SORCS2: variants seen among roughly 807,000 people sequenced by gnomAD.
The protein encoded by SORCS2 is VPS10 domain-containing receptor SorCS2.
In SORCS2, 100 loss-of-function variants were observed where a neutral mutation model predicts 141.6. The observed-to-expected ratio is 0.71, with a 90% CI of 0.60 to 0.83. The LOEUF (loss-of-function observed/expected upper bound fraction) is 0.83. Among genes scored for constraint, SORCS2 ranks in the 40% least tolerant of loss-of-function variants. The probability of loss-of-function intolerance (pLI) is 0.00; values close to 1 mark genes in which losing one functional copy is unlikely to be tolerated. For missense variants in SORCS2, 1,646 were observed against 1,560.2 expected, an observed-to-expected ratio of 1.05 and a Z score of -0.93; for synonymous variants, 789 against 676.9, an observed-to-expected ratio of 1.17 and a Z score of -2.57.
intron 3 of SORCS2, among the ~76,000 whole-genome samples, chr4:7,544,838 G>A (rs1426125410): frequency 6.6e-6 from 1 of 152,208 alleles, no homozygotes; most frequent in East Asian, 1.9e-4. Flanking sequence ...TTCCTCTGAG[G>A]GCTGTTCCTG....
intron 14 of SORCS2, among the ~76,000 whole-genome samples, chr4:7,706,826 G>A (rs1725501659): frequency 6.6e-6 from 1 of 152,212 alleles, no homozygotes; most frequent in Non-Finnish European, 1.5e-5. Flanking sequence ...TCTGGGCAGG[G>A]ATGAGGCTGG....
At chr4:7,542,883 C>T (rs10028107) in intron 3 of SORCS2, among the ~76,000 whole-genome samples, 12,614 of 152,306 alleles carry the variant, frequency 0.083, 615 homozygotes, top group African/African-American at 0.12. Flanking sequence ...GCTCCACCCA[C>T]GCTTCCTCTT....
chr4:7,429,976 C>T (rs915127102), intron 2 of SORCS2, among the ~76,000 whole-genome samples: 5 of 152,324 alleles, frequency 3.3e-5, no homozygotes, highest in South Asian at 2.1e-4. Flanking sequence ...TGGCAACCCC[C>T]GTCCGGTGCA....
chr4:7,606,472 G>A (rs777856693), intron 3 of SORCS2, among the ~76,000 whole-genome samples: 2 of 151,960 alleles, frequency 1.3e-5, no homozygotes, highest in Non-Finnish European at 2.9e-5. Flanking sequence ...TGCTGCAAAC[G>A]GTCACCTCCC....
At chr4:7,242,361 A>T (rs1712760443) in intron 1 of SORCS2, among the ~76,000 whole-genome samples, 3 of 150,152 alleles carry the variant, frequency 2.0e-5, no homozygotes, top group African/African-American at 4.9e-5. Flanking sequence ...CGCCTGGATG[A>T]TTTTTTTTTT....
chr4:7,724,442 CAA>C (rs1491264360), intron 19 of SORCS2, among the ~76,000 whole-genome samples: 1 of 52,608 alleles, frequency 1.9e-5, no homozygotes, highest in African/African-American at 8.8e-5. Flanking sequence ...ATAATGGTGA[CAA>C]TGGTGGTGGT....
chr4:7,677,033 G>GTC (rs919583773), intron 9 of SORCS2, among the ~76,000 whole-genome samples: 1 of 147,994 alleles, frequency 6.8e-6, no homozygotes, highest in Admixed American at 6.7e-5. Flanking sequence ...CTCTCTCTCT[G>GTC]TCTCTCTCTC....
At chr4:7,596,929 A>C (rs150063198) in intron 3 of SORCS2, among the ~76,000 whole-genome samples, 1 of 152,248 alleles carries the variant, frequency 6.6e-6, no homozygotes, top group East Asian at 1.9e-4. Flanking sequence ...GTTGGGGGTG[A>C]AAGAGTAAGG....
intron 1 of SORCS2, among the ~76,000 whole-genome samples, chr4:7,366,052 G>T (rs955902203): frequency 2.0e-5 from 3 of 152,144 alleles, no homozygotes; most frequent in Admixed American, 6.5e-5. Context: ...ATCCGTCAGC[G>T]CAGGCACCTC....
At chr4:7,455,619 T>TGTGTTGGGGTAAGGCGCC (rs1728852508) in intron 2 of SORCS2, among the ~76,000 whole-genome samples, 1 of 147,326 alleles carries the variant, frequency 6.8e-6, no homozygotes, top group African/African-American at 2.5e-5. Flanking sequence ...GGTCAGGCTC[T>TGTGTTGGGGTAAGGCGCC]GTGTTGGGGT....
chr4:7,458,548 AT>A (rs1729071658), intron 2 of SORCS2, among the ~76,000 whole-genome samples: 1 of 152,210 alleles, frequency 6.6e-6, no homozygotes, highest in Admixed American at 6.5e-5. Flanking sequence ...GTTAGACTTC[AT>A]TTTGGACAAA....
chr4:7,708,550 C>T (rs1339308219), intron 14 of SORCS2, among the ~76,000 whole-genome samples: 2 of 152,188 alleles, frequency 1.3e-5, no homozygotes, highest in African/African-American at 4.8e-5. Context: ...TCCTTCAGCG[C>T]CCCGGGAGAA....
chr4:7,217,078 A>G (rs913025716), intron 1 of SORCS2, among the ~76,000 whole-genome samples: 16 of 134,158 alleles, frequency 1.2e-4, no homozygotes, highest in African/African-American at 4.7e-4. Context: ...CTTAGCCTAA[A>G]GTCTTTCAGA....
Position 7,638,353 on chromosome 4 carries a change from G to C in SORCS2, c.674G>C (p.Ser225Thr). 1 of 1,518,568 alleles carries C rather than the reference G, an allele frequency of 6.6e-7. No individual in the cohort carries two copies. The highest frequency in any genetic ancestry group is 8.8e-7 in the Non-Finnish European group (1 of 1,139,206). The allele number at this position is 1,518,568 out of a possible 1,614,324, so 94.1% of individuals were successfully genotyped here. Residue 225 changes from serine to threonine, a missense_variant, in exon 4 of 27, where the codon AGT becomes ACT. Ser to Thr is a moderately conservative substitution (Grantham distance 58). Coordinates refer to ENST00000507866, the MANE Select transcript of SORCS2 (RefSeq NM_020777.3). ...GTCATCCTTGTCAGCTCCTCACTCA[G>C]TGACCGGGACCAGAGCCTATTCCTC... is the stretch of plus-strand genomic sequence containing the variant. ...RKVILVSSSL[S>T]DRDQSLFLSA... is the part of the protein sequence containing the mutation.
At chr4:7,723,629 G>T in intron 18 of SORCS2, 68 bp from the exon 19 acceptor site, 1 of 1,549,270 alleles carries the variant, frequency 6.5e-7, no homozygotes, top group Non-Finnish European at 8.9e-7. Context: ...GTGAGTGAGT[G>T]AATGAACCAC....
At chr4:7,669,019 G>A (rs1214463179) in intron 8 of SORCS2, among the ~76,000 whole-genome samples, 1 of 152,194 alleles carries the variant, frequency 6.6e-6, no homozygotes, top group Non-Finnish European at 1.5e-5. Flanking sequence ...GACCTTGAGC[G>A]ATGGCTCCCT....
chr4:7,365,712 C>T (rs569547372), intron 1 of SORCS2, among the ~76,000 whole-genome samples: 4 of 152,290 alleles, frequency 2.6e-5, no homozygotes, highest in Admixed American at 1.3e-4. Flanking sequence ...TTGTGCCTGT[C>T]GAACCTGGCA....
intron 5 of SORCS2, among the ~76,000 whole-genome samples, chr4:7,660,950 G>A (rs368398442): frequency 1.3e-5 from 2 of 152,100 alleles, no homozygotes; most frequent in Non-Finnish European, 2.9e-5. Flanking sequence ...AGCAGGAGAC[G>A]GAGCAACAGC....
At chr4:7,229,691 G>A (rs559166301) in intron 1 of SORCS2, among the ~76,000 whole-genome samples, 16 of 152,374 alleles carry the variant, frequency 1.1e-4, no homozygotes, top group African/African-American at 2.4e-4. Flanking sequence ...TTCCAGGGTC[G>A]TGGGTGTTAG....
Sources: allele counts gnomAD v4.1 joint callset (sites outside exome capture counted in the v4.1 genomes callset), GRCh38; gene constraint gnomAD v4.1.1; transcripts MANE v1.5; gene names NCBI Gene and HGNC (gene_info 2026-07-23, HGNC 2026-07-21).